The following CCDC82 variants were observed in gnomAD, a reference collection of about 807,000 sequenced individuals.
CCDC82 encodes coiled-coil domain-containing protein 82.
In CCDC82, 47 loss-of-function variants were observed where a neutral mutation model predicts 60.6. That is an observed-to-expected ratio of 0.77 (90% CI 0.61 to 0.99). The LOEUF (loss-of-function observed/expected upper bound fraction) is 0.99, where lower values mean the gene tolerates loss of function less well. Among genes scored for constraint, CCDC82 ranks in the 50% least tolerant of loss-of-function variants. The pLI is 0.00. For synonymous variants in CCDC82, 212 were observed against 207.4 expected, an observed-to-expected ratio of 1.02 and a Z score of -0.19; for missense variants, 588 against 633.0, an observed-to-expected ratio of 0.93 and a Z score of 0.76.
chr11:96,389,073 T>C (rs1462466908), intron 1 of CCDC82: 1 of 152,116 alleles, frequency 6.6e-6, no homozygotes, highest in East Asian at 1.9e-4. Flanking sequence ...CTGCTATGAA[T>C]AAATTTATCA....
intron 2 of CCDC82, 198 bp downstream of exon 2, chr11:96,387,332 T>C (rs1310287632): frequency 6.6e-6 from 1 of 152,228 alleles, no homozygotes; most frequent in Non-Finnish European, 1.5e-5. Flanking sequence ...AAACAGGTGA[T>C]TCCTATGACA....
chr11:96,387,640 A>C (rs1446691926), intron 1 of CCDC82, 27 bp from the exon 2 acceptor site: 1 of 152,388 alleles, frequency 6.6e-6, no homozygotes, highest in East Asian at 1.9e-4. Flanking sequence ...TGTACAAGAT[A>C]GTAAAAATTA....
chr11:96,373,958 A>T (rs1175817516), intron 5 of CCDC82, among the ~76,000 whole-genome samples: 1 of 152,056 alleles, frequency 6.6e-6, no homozygotes, highest in East Asian at 1.9e-4. Flanking sequence ...CAGATTTAGG[A>T]TTTTCTACAT....
chr11:96,363,119 C>G (rs189855298), intron 8 of CCDC82: 1 of 152,194 alleles, frequency 6.6e-6, no homozygotes, highest in East Asian at 1.9e-4. Context: ...CCTCTCTCGG[C>G]TAATTTTTTG....
chr11:96,372,832 G>A, intron 6 of CCDC82, among the ~76,000 whole-genome samples: 1 of 150,538 alleles, frequency 6.6e-6, no homozygotes, highest in African/African-American at 2.4e-5. Context: ...AACATGAAAA[G>A]TGCATATAAA....
At chr11:96,365,995 T>C (rs1404260743) in intron 7 of CCDC82, among the ~76,000 whole-genome samples, 9 of 152,248 alleles carry the variant, frequency 5.9e-5, no homozygotes, top group Admixed American at 2.0e-4. Flanking sequence ...GATTGAAAAC[T>C]ACATTTTCTG....
At chr11:96,358,147 T>G in intron 9 of CCDC82, 2 of 987,108 alleles carry the variant, frequency 2.0e-6, no homozygotes, top group Non-Finnish European at 2.4e-6. Context: ...TATGATATAG[T>G]CCAGGCAATG....
At chr11:96,373,537 T>A (rs1865401185) in intron 5 of CCDC82, 70 bp from the exon 6 acceptor site, 1 of 859,122 alleles carries the variant, frequency 1.2e-6, no homozygotes. Flanking sequence ...ATAGGTTCCA[T>A]TCTCCACTGC....
rs533837486 is a variant in CCDC82 at position 96,365,025 on chromosome 11, G to A, written c.1335C>T (p.Asn445=). 1.2e-5 allele frequency: 20 copies of A among 1,610,736 alleles called. No homozygotes were observed. The African/African-American group carries it at 2.4e-4, about 19-fold the overall frequency. Residue 445 remains asparagine (N), a synonymous_variant, in exon 8 of 10, where the codon AAC becomes AAT. Transcript: ENST00000646818. ...YSVHLSGELY[N]TRTMQIDNFM... ...AATTATCTATTTGCATGGTCCTGGT[G>A]TTATACAACTCTCCTGATAAATGCA...
intron 5 of CCDC82, 53 bp from the exon 6 acceptor site, chr11:96,373,520 G>C: frequency 9.5e-7 from 1 of 1,048,850 alleles, no homozygotes; most frequent in South Asian, 1.4e-5. Context: ...ATAATTTCTT[G>C]AATACAATAG....
At chr11:96,358,277 G>T in intron 9 of CCDC82, 1 of 1,114,300 alleles carries the variant, frequency 9.0e-7, no homozygotes, top group East Asian at 4.9e-5. Flanking sequence ...TTAGAAGACT[G>T]CAGTCGTATT....
At chr11:96,378,823 T>C (rs1865720396) in intron 5 of CCDC82, among the ~76,000 whole-genome samples, 1 of 151,984 alleles carries the variant, frequency 6.6e-6, no homozygotes, top group Non-Finnish European at 1.5e-5. Context: ...CCAAGAATTG[T>C]AGTTTCAGAA....
chr11:96,387,012 T>C (rs1262361954), intron 2 of CCDC82: 2 of 152,246 alleles, frequency 1.3e-5, no homozygotes, highest in Non-Finnish European at 2.9e-5. Flanking sequence ...AGCTGTATAG[T>C]ACAAAAAAGT....
chr11:96,386,218 C>T (rs1866181742), intron 3 of CCDC82, 36 bp downstream of exon 3: 1 of 152,458 alleles, frequency 6.6e-6, no homozygotes, highest in Non-Finnish European at 1.5e-5. Context: ...TACAAAAATT[C>T]AATGCCAAAA....
At chr11:96,377,834 T>C (rs1439360308) in intron 5 of CCDC82, among the ~76,000 whole-genome samples, 2 of 152,106 alleles carry the variant, frequency 1.3e-5, no homozygotes, top group Non-Finnish European at 2.9e-5. Context: ...TTATTAGCAA[T>C]GTGGGCCTCT....
intron 9 of CCDC82, chr11:96,355,878 A>C (rs1166298212): frequency 6.6e-6 from 1 of 152,176 alleles, no homozygotes; most frequent in Non-Finnish European, 1.5e-5. Flanking sequence ...CACCTGATGG[A>C]CCTACTGATG....
chr11:96,375,735 CTAGT>C (rs1277422717), intron 5 of CCDC82, among the ~76,000 whole-genome samples: 1 of 152,174 alleles, frequency 6.6e-6, no homozygotes, highest in Non-Finnish European at 1.5e-5. Context: ...TTCCTATCCC[CTAGT>C]TAAATATTGT....
chr11:96,386,612 G>C (rs1241421051), intron 2 of CCDC82: 1 of 152,138 alleles, frequency 6.6e-6, no homozygotes, highest in African/African-American at 2.4e-5. Flanking sequence ...ACTATGTCCT[G>C]ATCTCCTGAC....
chr11:96,386,572 T>A (rs1866210145), intron 2 of CCDC82: 1 of 152,176 alleles, frequency 6.6e-6, no homozygotes, highest in Admixed American at 6.5e-5. Context: ...ATGTTTCGAT[T>A]TTTAAATTTT....
Sources: allele counts gnomAD v4.1 joint callset (sites outside exome capture counted in the v4.1 genomes callset), GRCh38; gene constraint gnomAD v4.1.1; transcripts MANE v1.5; gene names NCBI Gene and HGNC (gene_info 2026-07-23, HGNC 2026-07-21).